The following BRI3 variants were observed in gnomAD, a reference collection of about 807,000 sequenced individuals.
BRI3 encodes membrane protein BRI3.
BRI3 carries 6 observed loss-of-function variants against 12.8 expected under a neutral mutation model. The observed-to-expected ratio is 0.47, with a 90% CI of 0.26 to 0.93. The LOEUF (loss-of-function observed/expected upper bound fraction) is 0.93, where lower values mean the gene tolerates loss of function less well. BRI3 is among the 40% of genes least tolerant of loss of function. The pLI, the probability that BRI3 is intolerant of heterozygous loss-of-function variation, is 0.15. For synonymous variants in BRI3, 91 were observed against 76.1 expected, an observed-to-expected ratio of 1.20 and a Z score of -1.02; for missense variants, 134 against 171.1, an observed-to-expected ratio of 0.78 and a Z score of 1.21.
At chr7:98,303,220 T>C (rs1288353806), upstream of BRI3, among the ~76,000 whole-genome samples, 1 of 152,170 alleles carries the variant, frequency 6.6e-6, no homozygotes, top group Non-Finnish European at 1.5e-5. Flanking sequence ...AGGCACATCT[T>C]AGAAGCACAT....
At chr7:98,293,952 TC>T (rs1800075600), downstream of BRI3, 2 of 1,166,388 alleles carry the variant, frequency 1.7e-6, no homozygotes, top group African/African-American at 1.5e-5. Context: ...CCCCCATGGC[TC>T]CACAGGCCGA....
chr7:98,307,643 G>T, exon 2 of BRI3: 1 of 1,606,342 alleles, frequency 6.2e-7, no homozygotes. Context: ...CTCTGGAAGG[G>T]AGGGGCCGTC....
upstream of BRI3, chr7:98,304,204 C>T (rs755715743): frequency 1.5e-5 from 24 of 1,594,550 alleles, no homozygotes; most frequent in South Asian, 7.9e-5. Flanking sequence ...ACAGGAGCCG[C>T]GGTCTCGGGC....
intron 2 of BRI3, 99 bp downstream of exon 2, chr7:98,282,552 G>C (rs1278583899): frequency 2.0e-6 from 2 of 976,716 alleles, no homozygotes; most frequent in South Asian, 1.4e-5. Flanking sequence ...AGTGGGTCCG[G>C]CTTGACTTGG....
At chr7:98,286,477 G>A (rs11760930) in intron 2 of BRI3, among the ~76,000 whole-genome samples, 61,380 of 152,090 alleles carry the variant, frequency 0.4, 13,487 homozygotes, top group Middle Eastern at 0.54. Context: ...GGGGAGGGGC[G>A]GCTAGAGAGA....
At chr7:98,282,668 A>C (rs941580617) in intron 2 of BRI3, 1 of 540,214 alleles carries the variant, frequency 1.9e-6, no homozygotes, top group East Asian at 3.1e-5. Context: ...TTGTGGGGGC[A>C]AAAGGGTGGA....
chr7:98,311,928 A>G (rs1243172966), downstream of BRI3, among the ~76,000 whole-genome samples: 4 of 152,142 alleles, frequency 2.6e-5, no homozygotes, highest in Admixed American at 2.0e-4. Context: ...CAAAAAACAA[A>G]CATGTGCCCA....
At chr7:98,316,690 C>T in the BRI3 span, among the ~76,000 whole-genome samples, 1 of 152,082 alleles carries the variant, frequency 6.6e-6, no homozygotes, top group Non-Finnish European at 1.5e-5. Flanking sequence ...ACTATAGTCA[C>T]CCTACTCTGC....
At chr7:98,318,227 T>A in the BRI3 span, among the ~76,000 whole-genome samples, 2 of 152,180 alleles carry the variant, frequency 1.3e-5, no homozygotes, top group Admixed American at 1.3e-4. Flanking sequence ...AAGGACATCT[T>A]CTCTTTCTTT....
At chr7:98,296,970 T>TG (rs1800217387), downstream of BRI3, among the ~76,000 whole-genome samples, 1 of 152,166 alleles carries the variant, frequency 6.6e-6, no homozygotes, top group African/African-American at 2.4e-5. Flanking sequence ...TCCCTTTCCT[T>TG]GCAGTGGGGG....
At chr7:98,310,179 A>C (rs978161213) in exon 2 of BRI3, 1 of 389,662 alleles carries the variant, frequency 2.6e-6, no homozygotes, top group African/African-American at 2.1e-5. Flanking sequence ...GATAATTCTC[A>C]ACAGTATGTT....
chr7:98,290,960 G>A, intron 2 of BRI3, 151 bp from the exon 3 acceptor site: 2 of 825,196 alleles, frequency 2.4e-6, no homozygotes, highest in South Asian at 3.4e-5. Context: ...TAGCTGGGTG[G>A]TGGGGTGGGG....
the BRI3 span, chr7:98,322,845 C>T: frequency 6.6e-6 from 1 of 152,306 alleles, no homozygotes; most frequent in African/African-American, 2.4e-5. Context: ...CATGTCGCTC[C>T]CCTGCTCCCG....
the BRI3 span, chr7:98,317,481 C>G: frequency 3.7e-4 from 479 of 1,288,822 alleles, 7 homozygotes; most frequent in South Asian, 6.1e-3. Context: ...TTCACACCAT[C>G]CTCACACTGG....
downstream of BRI3, among the ~76,000 whole-genome samples, chr7:98,295,980 G>A (rs1800172412): frequency 6.6e-6 from 1 of 152,304 alleles, no homozygotes; most frequent in South Asian, 2.1e-4. Context: ...GCTCCCTGTA[G>A]GAACAAGCAG....
At chr7:98,287,772 G>T (rs763137610) in intron 2 of BRI3, among the ~76,000 whole-genome samples, 4 of 152,220 alleles carry the variant, frequency 2.6e-5, no homozygotes, top group Non-Finnish European at 5.9e-5. Flanking sequence ...GGCTGGTGTG[G>T]GCGGGGCCCC....
chr7:98,286,040 CCT>C (rs1488111972), intron 2 of BRI3, among the ~76,000 whole-genome samples: 3 of 152,146 alleles, frequency 2.0e-5, no homozygotes, highest in Admixed American at 1.3e-4. Flanking sequence ...GGGCCAGCCC[CCT>C]GTGACACTGC....
the BRI3 span, among the ~76,000 whole-genome samples, chr7:98,317,834 C>T: frequency 3.3e-5 from 5 of 151,456 alleles, no homozygotes; most frequent in African/African-American, 4.9e-5. Flanking sequence ...ACTGTCACCC[C>T]GTAGTTCACA....
exon 2 of BRI3, chr7:98,308,715 T>C (rs1024228515): frequency 7.5e-5 from 13 of 172,976 alleles, no homozygotes; most frequent in Non-Finnish European, 1.5e-4. Context: ...TCTCACTCTG[T>C]TGCCCAGGCT....
Sources: allele counts gnomAD v4.1 joint callset (sites outside exome capture counted in the v4.1 genomes callset), GRCh38; gene constraint gnomAD v4.1.1; transcripts MANE v1.5; gene names NCBI Gene and HGNC (gene_info 2026-07-23, HGNC 2026-07-21).